Variants in FBXL18 observed in about 807,000 individuals in gnomAD.
FBXL18 encodes the protein F-box and leucine rich repeat protein 18, also known as F-box/LRR-repeat protein 18.
Under a neutral mutation model 46.0 loss-of-function variants are expected in FBXL18, and 36 were observed. That is an observed-to-expected ratio of 0.78 (90% confidence interval 0.60 to 1.03). FBXL18 has a LOEUF of 1.03. Ranked by LOEUF, FBXL18 falls within the 50% of genes least tolerant of loss-of-function variation. The pLI is 0.00. For missense variants in FBXL18, 977 were observed against 1,004.1 expected (o/e 0.97, Z 0.36); for synonymous variants, 557 against 465.3 (o/e 1.20, Z -2.54).
rs1784393646 is a variant in FBXL18 at position 5,506,295 on chromosome 7, G to A, written c.19-665C>T. On this transcript the variant is annotated intron_variant, in intron 1 of 4. Coordinates refer to ENST00000382368, the MANE Select transcript of FBXL18 (RefSeq NM_024963.6). ...ACAAGGTCTTGCTTTGTCACCCAGG[G>A]TGGAGTGCAGTGGCGCAATCTCGGT... Among the ~76,000 whole-genome samples, 3 of 149,142 alleles carry A rather than the reference G, an allele frequency of 2.0e-5. 1 individual carries two copies. The highest frequency in any genetic ancestry group is 4.2e-4 in the South Asian group (2 of 4,712).
In FBXL18 at chr7:5,501,329, T is replaced by C. The variant is rs1784247099; in HGVS notation, c.940A>G (p.Asn314Asp). The C allele has an allele frequency of 2.5e-6, 4 of 1,613,992 alleles. No homozygotes were observed. Among genetic ancestry groups the C allele is most frequent in the East Asian group, 2.2e-5 (1 of 44,886 alleles). The change falls in exon 3 of 5, where the codon AAC (asparagine) becomes GAC (aspartate). Residue 314 changes from asparagine (N) to aspartate (D), a missense_variant. Coordinates refer to ENST00000382368, the MANE Select transcript of FBXL18 (RefSeq NM_024963.6). ...CTGAAACTGAAGTAGAACGGGTTGT[T>C]GAATTTCATGTGCTGCAGGAGGGAA... Reference protein sequence around the residue: ...GSSLLQHMKFNNPFYFSFSRC... With the variant: ...GSSLLQHMKFDNPFYFSFSRC...
chr7:5,504,525 C>T (rs1784344892), intron 2 of FBXL18, among the ~76,000 whole-genome samples: 3 of 145,494 alleles, frequency 2.1e-5, no homozygotes, highest in South Asian at 2.2e-4. Context: ...AGGCTGGTCT[C>T]GAACTACTGA....
intron 4 of FBXL18, among the ~76,000 whole-genome samples, chr7:5,485,490 A>G (rs1783748195): frequency 6.6e-6 from 1 of 152,136 alleles, no homozygotes; most frequent in Admixed American, 6.5e-5. Flanking sequence ...CAGACACATT[A>G]CCCATCAGAT....
chr7:5,463,729 T>TATATATATATATA (rs1562672305), intron 4 of FBXL18, among the ~76,000 whole-genome samples: 27 of 10,034 alleles, frequency 2.7e-3, no homozygotes, highest in African/African-American at 4.1e-3. Context: ...TATTTATTTA[T>TATATATATATATA]TTTTTTTTTT....
At position 5,477,067 on chromosome 7, in the gene FBXL18, TTA is replaced by T. The variant is rs1464054205; in HGVS notation, c.*4706_*4707del. The T allele has an allele frequency of 6.6e-6, 1 of 151,992 alleles. No homozygotes were observed. The highest frequency in any genetic ancestry group is 2.4e-5 in the African/African-American group (1 of 41,364). The allele number at this position is 151,992 out of a possible 1,614,324, so 9.4% of individuals were successfully genotyped here. On this transcript the variant is annotated 3_prime_UTR_variant, in exon 5 of 5. Transcript: ENST00000382368. The surrounding 1 kb of genome is among the most constrained non-coding windows in gnomAD (Gnocchi z 4.4). ...CACACCCGACTACTTTTTTGTATTT[TTA>T]GTAGAGACGGGGTTTCACTGTGTTA...
intron 3 of FBXL18, 31 bp from the exon 4 acceptor site, chr7:5,491,480 G>C: frequency 6.6e-7 from 1 of 1,525,386 alleles, no homozygotes; most frequent in Non-Finnish European, 8.8e-7. Flanking sequence ...TGTGAGGTCC[G>C]AGGGAGGGGC....
intron 4 of FBXL18, chr7:5,489,070 C>T (rs867721437): frequency 3.3e-6 from 1 of 302,830 alleles, no homozygotes. Flanking sequence ...CCACCGCAGG[C>T]GAAGTCAAGA....
chr7:5,474,360 G>A (rs1783474322), downstream of FBXL18, among the ~76,000 whole-genome samples: 1 of 151,076 alleles, frequency 6.6e-6, no homozygotes, highest in African/African-American at 2.4e-5. Context: ...CCAGGCTGGA[G>A]TGCAGTGGTG....
chr7:5,492,107 G>T (rs61052376), intron 3 of FBXL18, among the ~76,000 whole-genome samples: 52,421 of 149,394 alleles, frequency 0.35, 10,690 homozygotes, highest in East Asian at 0.65. Context: ...GGGCAGGGGG[G>T]AGGCCCAAGT....
chr7:5,461,386 C>A (rs776536749), intron 4 of FBXL18, among the ~76,000 whole-genome samples: 2 of 151,762 alleles, frequency 1.3e-5, no homozygotes, highest in Non-Finnish European at 2.9e-5. Context: ...GGGCAACATA[C>A]TCGGTTGATA....
At chr7:5,462,565 G>T (rs567462961) in intron 4 of FBXL18, among the ~76,000 whole-genome samples, 1 of 152,108 alleles carries the variant, frequency 6.6e-6, no homozygotes, top group Non-Finnish European at 1.5e-5. Flanking sequence ...GTTGAGAGAC[G>T]ATGTTTTCAC....
In FBXL18 at chr7:5,455,484, G is replaced by A. The variant is rs1274021309; in HGVS notation, c.2001-7641C>T. ...ACCTTAGTCTCCTTGCTCGCCACTG[G>A]CTTCACTGGCGTCAGAAGCAATTCC... On this transcript the variant is annotated intron_variant and NMD_transcript_variant, in intron 4 of 6. Transcript: ENST00000415009. The surrounding 1 kb of genome is among the most constrained non-coding windows in gnomAD (Gnocchi z 4.6). Among the ~76,000 whole-genome samples, 1 of 152,036 alleles carries A rather than the reference G, an allele frequency of 6.6e-6. No homozygotes were observed. The highest frequency in any genetic ancestry group is 6.5e-5 in the Admixed American group (1 of 15,272).
At chr7:5,497,399 A>C (rs1185238533) in intron 3 of FBXL18, among the ~76,000 whole-genome samples, 1 of 152,142 alleles carries the variant, frequency 6.6e-6, no homozygotes, top group African/African-American at 2.4e-5. Context: ...TGAGAATCAA[A>C]GCGGCCGATC....
chr7:5,464,739 T>C (rs1329622172), intron 4 of FBXL18, among the ~76,000 whole-genome samples: 1 of 97,730 alleles, frequency 1.0e-5, no homozygotes, highest in Non-Finnish European at 2.0e-5. Flanking sequence ...ATGGAACATA[T>C]ATTCACATTT....
In FBXL18 at chr7:5,480,220, G is replaced by A. The variant is rs79829753; in HGVS notation, c.*1555C>T. Among the ~76,000 whole-genome samples the A allele has an allele frequency of 6.6e-6, 1 of 152,298 alleles. No individual in the cohort carries two copies. Among genetic ancestry groups the A allele is most frequent in the East Asian group, 1.9e-4 (1 of 5,182 alleles). On this transcript the variant is annotated 3_prime_UTR_variant, in exon 5 of 5. Coordinates refer to ENST00000382368, the MANE Select transcript of FBXL18 (RefSeq NM_024963.6). Reference sequence around the variant, plus strand: ...TCTGTCACACGGAAACCCAGGAGGAGGAAGGCGGGCTGGACAAGGGGCCCT... The same window carrying A: ...TCTGTCACACGGAAACCCAGGAGGAAGAAGGCGGGCTGGACAAGGGGCCCT...
chr7:5,474,720 T>G (rs1236451229), downstream of FBXL18, among the ~76,000 whole-genome samples: 3 of 148,386 alleles, frequency 2.0e-5, no homozygotes, highest in Non-Finnish European at 4.5e-5. Flanking sequence ...ATTTATTTAT[T>G]TATTTGAGAC....
intron 4 of FBXL18, among the ~76,000 whole-genome samples, chr7:5,466,453 G>A (rs1156439464): frequency 4.6e-5 from 7 of 152,076 alleles, no homozygotes; most frequent in South Asian, 4.1e-4. Flanking sequence ...CACACAGTGC[G>A]GCCTCTCCAG....
At chr7:5,509,252 ATT>A (rs995640624) in intron 1 of FBXL18, among the ~76,000 whole-genome samples, 3 of 151,116 alleles carry the variant, frequency 2.0e-5, no homozygotes, top group African/African-American at 7.3e-5. Context: ...ACCACACTGA[ATT>A]TTTCTTAAAA....
downstream of FBXL18, among the ~76,000 whole-genome samples, chr7:5,471,338 G>A (rs529227918): frequency 2.0e-5 from 3 of 152,278 alleles, no homozygotes; most frequent in African/African-American, 7.2e-5. Context: ...GTGCAGTGGC[G>A]CGATCTCGGC....
Sources: gnomAD v4.1 joint callset for allele counts (sites outside exome capture counted in the v4.1 genomes callset) on GRCh38, gnomAD v4.1.1 for gene constraint, Gnocchi (gnomAD v3.1) non-coding constraint, MANE v1.5 for transcripts, NCBI Gene and HGNC (gene_info 2026-07-23, HGNC 2026-07-21) for gene names.